EIF3D: variants seen among roughly 807,000 people sequenced by gnomAD.
EIF3D encodes the protein eIF3 p66.
A neutral mutation model predicts 75.4 loss-of-function variants in EIF3D; 10 were observed. The observed-to-expected ratio is 0.13, with a 90% CI of 0.08 to 0.22. The LOEUF is 0.22. Ranked by LOEUF, EIF3D falls within the 10% of genes least tolerant of loss-of-function variation. The pLI, the probability that EIF3D is intolerant of heterozygous loss-of-function variation, is 1.00. For missense variants in EIF3D, 394 were observed against 708.0 expected (o/e 0.56, Z 5.03); for synonymous variants, 246 against 248.3 (o/e 0.99, Z 0.09).
chr22:36,524,361 A>G (rs12166002), intron 4 of EIF3D, among the ~76,000 whole-genome samples: 13,236 of 152,258 alleles, frequency 0.087, 674 homozygotes, highest in Middle Eastern at 0.14. Context: ...TTTTTAGCAT[A>G]CAAGTCTGAT....
At chr22:36,516,913 G>A in intron 10 of EIF3D, 123 bp from the exon 11 acceptor site, 1 of 857,622 alleles carries the variant, frequency 1.2e-6, no homozygotes, top group Non-Finnish European at 1.9e-6. Context: ...CCTTGATGGG[G>A]CTCTGAGCTC....
intron 14 of EIF3D, chr22:36,511,214 G>A (rs1934328636): frequency 3.7e-6 from 3 of 806,576 alleles, no homozygotes; most frequent in Admixed American, 3.0e-5. Context: ...AACCCGGAGC[G>A]GAGCTTTTCC....
chr22:36,522,753 G>T (rs1047740894), intron 6 of EIF3D, among the ~76,000 whole-genome samples: 1 of 152,132 alleles, frequency 6.6e-6, no homozygotes, highest in Non-Finnish European at 1.5e-5. Context: ...TAAGAGATTA[G>T]GTCGTTAAAA....
intron 10 of EIF3D, 23 bp from the exon 11 acceptor site, chr22:36,516,813 A>C: frequency 6.2e-7 from 1 of 1,608,990 alleles, no homozygotes; most frequent in South Asian, 1.1e-5. Flanking sequence ...AGGTGTCACA[A>C]GACAGAGCTA....
rs187142220 is a variant in EIF3D at position 36,510,909 on chromosome 22, T to C, written c.*78A>G. 6.7e-7 allele frequency: 1 copy of C among 1,495,250 alleles called. No homozygotes were observed. Among genetic ancestry groups the C allele is most frequent in the Non-Finnish European group, 9.0e-7 (1 of 1,111,282 alleles). The allele number at this position is 1,495,250 out of a possible 1,614,324, so 92.6% of individuals were successfully genotyped here. The stretch of plus-strand genomic sequence containing the variant: ...CATCTGCTAAATGTCAGAGAGCAAG[T>C]TAGACACACATTCCACTAAGCATCA... On this transcript the variant is annotated 3_prime_UTR_variant, in exon 15 of 15. Transcript: ENST00000216190.
chr22:36,519,387 G>A lies in EIF3D; in HGVS notation c.711+18C>T. Reference sequence around the variant, plus strand: ...AGCATTCCTAACAAGGGGGAGAGGGGCAGAAGGAGGCGCACACCTTGCGGA... The same window carrying A: ...AGCATTCCTAACAAGGGGGAGAGGGACAGAAGGAGGCGCACACCTTGCGGA... On this transcript the variant is annotated intron_variant, in intron 8 of 14. Transcript: ENST00000216190. 1 of 1,613,888 alleles carries A rather than the reference G, an allele frequency of 6.2e-7. No homozygotes were observed. The highest frequency in any genetic ancestry group is 8.5e-7 in the Non-Finnish European group (1 of 1,179,856).
rs1441219783 is a variant in EIF3D, at chr22:36,516,522, C to T, written c.1162G>A (p.Val388Met). The part of the protein sequence containing the change: ...DGVMTGANGE[V>M]SFINIKTLNE... ...AGTGTCTTGATGTTGATGAAGGACA[C>T]TTCCCCGTTGGCTCCAGTCATGACG... Residue 388 changes from valine to methionine, a missense_variant, in exon 12 of 15, where the codon GTG becomes ATG. By Grantham distance (21) the Val-to-Met change is conservative. Transcript: ENST00000216190. 1.2e-6 allele frequency: 2 copies of T among 1,614,084 alleles called. No homozygotes were observed. Among genetic ancestry groups the T allele is most frequent in the Admixed American group, 1.7e-5 (1 of 59,998 alleles).
chr22:36,512,483 A>G lies in EIF3D; in HGVS notation c.1326T>C (p.Ala442=), dbSNP rs764035860. 175 of 1,614,110 alleles carry G rather than the reference A, an allele frequency of 1.1e-4. No homozygotes were observed. The highest frequency in any genetic ancestry group is 1.4e-4 in the Non-Finnish European group (171 of 1,180,048). The change falls in exon 13 of 15, where the codon GCT becomes GCC. Residue 442 remains alanine (A), a synonymous_variant. Transcript: ENST00000216190. ...LARWTCCALL[A]GSEYLKLGYV... is the part of the protein sequence containing the mutation. Reference sequence around the variant, plus strand: ...ACCCAAGCTTGAGGTACTCAGATCCAGCCAGCAAAGCACAGCAGGTCCACC... The same window carrying G: ...ACCCAAGCTTGAGGTACTCAGATCCGGCCAGCAAAGCACAGCAGGTCCACC...
intron 6 of EIF3D, among the ~76,000 whole-genome samples, chr22:36,522,081 C>T (rs1286842415): frequency 6.7e-6 from 1 of 149,828 alleles, no homozygotes; most frequent in Admixed American, 6.7e-5. Context: ...AAGCCAGGCG[C>T]AGTGGCTCAT....
At chr22:36,512,830 G>A (rs1934361828) in intron 12 of EIF3D, 1 of 509,940 alleles carries the variant, frequency 2.0e-6, no homozygotes, top group Admixed American at 3.6e-5. Flanking sequence ...AGCTCGCCTA[G>A]ACAGGGAATG....
At chr22:36,521,754 C>G (rs1339164763) in intron 6 of EIF3D, among the ~76,000 whole-genome samples, 1 of 147,662 alleles carries the variant, frequency 6.8e-6, no homozygotes, top group African/African-American at 2.5e-5. Context: ...TGGTAAAACC[C>G]TGTCTCTACA....
intron 12 of EIF3D, among the ~76,000 whole-genome samples, chr22:36,515,427 C>G (rs1384628945): frequency 6.6e-6 from 1 of 152,138 alleles, no homozygotes; most frequent in African/African-American, 2.4e-5. Context: ...ACTCGGGAGG[C>G]TGAGGCAGGA....
chr22:36,525,125 A>G (rs950234447), intron 3 of EIF3D, among the ~76,000 whole-genome samples: 6 of 152,032 alleles, frequency 3.9e-5, no homozygotes, highest in Non-Finnish European at 8.8e-5. Flanking sequence ...TTTCTTGCCA[A>G]TCTCAGCCTC....
chr22:36,527,182 C>CA (rs777411702), intron 1 of EIF3D, among the ~76,000 whole-genome samples: 19 of 152,212 alleles, frequency 1.2e-4, no homozygotes, highest in Non-Finnish European at 1.8e-4. Context: ...GTTAAATGTT[C>CA]ATGAATACTG....
Position 36,516,579 on chromosome 22 carries a change from T to C in EIF3D, c.1105A>G (p.Ile369Val). 1.2e-6 allele frequency: 2 copies of C among 1,614,096 alleles called. No individual in the cohort carries two copies. Among genetic ancestry groups the C allele is most frequent in the Non-Finnish European group, 1.7e-6 (2 of 1,179,982 alleles). The change falls in exon 12 of 15, where the codon ATT (isoleucine) becomes GTT (valine). Residue 369 changes from isoleucine to valine, a missense_variant. By Grantham distance (29) the Ile-to-Val change is conservative (BLOSUM62 3). Transcript: ENST00000216190. Reference sequence around the variant, plus strand: ...TGCTCACAACGGACAATAAGGTCAATATCATCTCCAAGCTTCCACCTGCGG... The same window carrying C: ...TGCTCACAACGGACAATAAGGTCAACATCATCTCCAAGCTTCCACCTGCGG... ...RYRRWKLGDD[I>V]DLIVRCEHDG...
At chr22:36,524,052 G>C (rs12165971) in intron 4 of EIF3D, 72 bp from the exon 5 acceptor site, 101,253 of 1,456,088 alleles carry the variant, frequency 0.07, 3,923 homozygotes, top group African/African-American at 0.15. Context: ...ACAAGTGGGA[G>C]GTCTTTGGAG....
chr22:36,522,407 A>T (rs151129545), intron 6 of EIF3D, among the ~76,000 whole-genome samples: 6 of 152,264 alleles, frequency 3.9e-5, no homozygotes, highest in African/African-American at 1.2e-4. Flanking sequence ...CCCCGAGTAT[A>T]TGGAGGGCCG....
intron 12 of EIF3D, among the ~76,000 whole-genome samples, chr22:36,514,194 G>A (rs58151948): frequency 0.024 from 3,725 of 152,278 alleles, 140 homozygotes; most frequent in African/African-American, 0.086. Context: ...ACGGGACTGG[G>A]GACACATGGA....
At chr22:36,521,114 A>C (rs1934505562) in intron 6 of EIF3D, among the ~76,000 whole-genome samples, 1 of 151,756 alleles carries the variant, frequency 6.6e-6, no homozygotes, top group Admixed American at 6.6e-5. Flanking sequence ...GCAGGAGAAC[A>C]GCTTGAATCT....
Sources: allele counts gnomAD v4.1 joint callset (sites outside exome capture counted in the v4.1 genomes callset), GRCh38; gene constraint gnomAD v4.1.1; transcripts MANE v1.5; gene names NCBI Gene and HGNC (gene_info 2026-07-23, HGNC 2026-07-21).